The following NIN variants were observed in gnomAD, a reference collection of about 807,000 sequenced individuals.
NIN encodes glycogen synthase kinase 3 beta-interacting protein.
Under a neutral mutation model 257.6 loss-of-function variants are expected in NIN, and 137 were observed. The observed-to-expected ratio is 0.53, with a 90% CI of 0.46 to 0.61. The LOEUF (loss-of-function observed/expected upper bound fraction) is 0.61. NIN is among the 20% of genes least tolerant of loss of function. The pLI is 0.00. For missense variants in NIN, 2,439 were observed against 2,501.2 expected (o/e 0.98, Z 0.53); for synonymous variants, 918 against 919.8 (o/e 1.00, Z 0.04).
rs1202195228 is a variant in NIN at position 50,720,313 on chromosome 14, G to A, written c.*3150C>T. The A allele has an allele frequency of 4.5e-6, 1 of 220,304 alleles. No individual in the cohort carries two copies. Among genetic ancestry groups the A allele is most frequent in the Non-Finnish European group, 9.1e-6 (1 of 110,102 alleles). The allele number at this position is 220,304 out of a possible 1,614,324, so 13.6% of individuals were successfully genotyped here. A position where few individuals can be genotyped will look rare whatever the true frequency, so the allele number is the denominator to read the frequency against. Reference sequence around the variant, plus strand: ...AAAGCACTTAGCCTTGCCTTGACTGGAAATACCTTTAAGATGCTGACAATA... The same window carrying A: ...AAAGCACTTAGCCTTGCCTTGACTGAAAATACCTTTAAGATGCTGACAATA... On this transcript the variant is annotated 3_prime_UTR_variant, in exon 31 of 31. Transcript: ENST00000530997.
intron 28 of NIN, among the ~76,000 whole-genome samples, chr14:50,730,499 AC>A (rs1460724694): frequency 1.3e-5 from 2 of 151,078 alleles, no homozygotes; most frequent in African/African-American, 4.9e-5. Context: ...AAGAAGCGGC[AC>A]CTCCAGGCTT....
chr14:50,785,479 T>A (rs548014262), intron 5 of NIN, among the ~76,000 whole-genome samples: 1 of 152,332 alleles, frequency 6.6e-6, no homozygotes, highest in East Asian at 1.9e-4. Context: ...TGTGGTTTTT[T>A]GTTTTTGTTT....
At position 50,748,784 on chromosome 14, in the gene NIN, C is replaced by T. The variant is rs1192570395; in HGVS notation, c.4951-679G>A. ...TGAAGGACCTCTTCAAGGAGAACTA[C>T]AAACCACTGCTCAAGGAAATAAGAG... is the stretch of plus-strand genomic sequence containing the variant. On this transcript the variant is annotated intron_variant, in intron 21 of 30. Transcript: ENST00000530997. Among the ~76,000 whole-genome samples, 6 of 152,142 alleles carry T rather than the reference C, an allele frequency of 3.9e-5. No homozygotes were observed. The East Asian group carries it at 1.2e-3, about 29-fold the overall frequency.
chr14:50,817,871 A>G (rs1042150838), intron 3 of NIN, among the ~76,000 whole-genome samples: 12 of 151,954 alleles, frequency 7.9e-5, no homozygotes, highest in African/African-American at 2.9e-4. Flanking sequence ...GCCCACTGCC[A>G]CGCCGGCTAA....
At chr14:50,765,787 A>G (rs2042455786) in intron 14 of NIN, among the ~76,000 whole-genome samples, 1 of 151,316 alleles carries the variant, frequency 6.6e-6, no homozygotes, top group African/African-American at 2.4e-5. Flanking sequence ...TAGATCTGCA[A>G]TGATCAATCA....
chr14:50,772,637 C>T (rs1000966749), intron 8 of NIN, among the ~76,000 whole-genome samples, 169 bp from the exon 9 acceptor site: 5 of 152,156 alleles, frequency 3.3e-5, no homozygotes, highest in Non-Finnish European at 7.3e-5. Flanking sequence ...GTCAAGCCTA[C>T]GGAGCTTATC....
At chr14:50,770,615 T>TATCA in intron 11 of NIN, 53 bp from the exon 12 acceptor site, 4 of 1,582,620 alleles carry the variant, frequency 2.5e-6, no homozygotes, top group Non-Finnish European at 3.4e-6. Flanking sequence ...GAGGTCCCAG[T>TATCA]ATCAATCTAC....
chr14:50,723,442 T>A lies in NIN; in HGVS notation c.*21A>T, dbSNP rs764973716. 6.2e-7 allele frequency: 1 copy of A among 1,603,096 alleles called. No individual in the cohort carries two copies. The highest frequency in any genetic ancestry group is 1.1e-5 in the South Asian group (1 of 90,778). On this transcript the variant is annotated 3_prime_UTR_variant, in exon 31 of 31. Transcript: ENST00000530997. ...TCTATTTCAGTAAAGTGCACAAATATGAGTGTACCCTTTGGTTTGGCTATG... is the reference window on the plus strand; with the variant it reads ...TCTATTTCAGTAAAGTGCACAAATAAGAGTGTACCCTTTGGTTTGGCTATG...
At chr14:50,737,101 AAATACAG>A (rs2041016670) in intron 27 of NIN, among the ~76,000 whole-genome samples, 1 of 152,180 alleles carries the variant, frequency 6.6e-6, no homozygotes, top group South Asian at 2.1e-4. Flanking sequence ...TCTGCGTGAC[AAATACAG>A]TGCAGCAGAA....
At position 50,757,069 on chromosome 14, in the gene NIN, GCCC is replaced by G. The variant is rs766808584; in HGVS notation, c.3958_3960del (p.Gly1320del). ...TGAAGTCTCAAAACCAGAACATTCA[GCCC>G]CTCATTTTCTATTTTGACCTCATCG... On this transcript the variant is annotated inframe_deletion, in exon 18 of 31. Coordinates refer to ENST00000530997, the MANE Select transcript of NIN (RefSeq NM_020921.4). 2 of 1,613,734 alleles carry G rather than the reference GCCC, an allele frequency of 1.2e-6. No individual in the cohort carries two copies. The highest frequency in any genetic ancestry group is 2.2e-5 in the South Asian group (2 of 91,012).
chr14:50,830,560 G>C (rs2045658790), intron 1 of NIN, 43 bp from the exon 2 acceptor site: 1 of 168,096 alleles, frequency 5.9e-6, no homozygotes, highest in South Asian at 2.1e-4. Context: ...TGGAGAAACG[G>C]GACAATACTT....
In NIN at chr14:50,776,965, T is replaced by A; in HGVS notation, c.650A>T (p.Gln217Leu). ...LVSICEQYGL[Q>L]NVDGEMLEEV... The stretch of plus-strand genomic sequence containing the variant: ...GAGGCTTACCTCTCCATCCACATTC[T>A]GTAAACCATACTGCTCACAGATGGA... Residue 217 changes from glutamine (Q) to leucine (L), a missense_variant, in exon 7 of 31, where the codon CAG becomes CTG. This residue lies in a region of NIN where 387 missense variants were observed against 427.3 expected (regional missense o/e 0.91). Coordinates refer to ENST00000530997, the MANE Select transcript of NIN (RefSeq NM_020921.4). The A allele has an allele frequency of 1.2e-6, 2 of 1,613,154 alleles. No individual in the cohort carries two copies. Among genetic ancestry groups the A allele is most frequent in the Non-Finnish European group, 1.7e-6 (2 of 1,179,608 alleles).
Position 50,771,023 on chromosome 14 carries a change from A to T in NIN, c.1119-31T>A, listed in dbSNP as rs746886956. 2.5e-6 allele frequency: 4 copies of T among 1,604,100 alleles called. No homozygotes were observed. The Admixed American group carries it at 6.9e-5, about 27-fold the overall frequency. On this transcript the variant is annotated intron_variant, in intron 10 of 30. Coordinates refer to ENST00000530997, the MANE Select transcript of NIN (RefSeq NM_020921.4). ...ATCAGAAGTACACTGAGTTAATGGGAAACTGTTTCTAAGCAACAAGTAGAC... is the reference window on the plus strand; with the variant it reads ...ATCAGAAGTACACTGAGTTAATGGGTAACTGTTTCTAAGCAACAAGTAGAC...
In NIN at chr14:50,750,015, T is replaced by G. The variant is rs143219199; in HGVS notation, c.4951-1910A>C. ...GCTGGTATTTATTGTAGTCTATGTT[T>G]ATTTCATAATTATATTTATTTTATT... On this transcript the variant is annotated intron_variant, in intron 21 of 30. Transcript: ENST00000530997. Among the ~76,000 whole-genome samples, 426 of 152,326 alleles carry G rather than the reference T, an allele frequency of 2.8e-3. 3 individuals are homozygous for G. Among genetic ancestry groups the G allele is most frequent in the Non-Finnish European group, 4.5e-3 (304 of 68,032 alleles).
In NIN at chr14:50,757,919, C is replaced by T; in HGVS notation, c.3111G>A (p.Gln1037=). 2 of 1,614,168 alleles carry T rather than the reference C, an allele frequency of 1.2e-6. No individual in the cohort carries two copies. Among genetic ancestry groups the T allele is most frequent in the Non-Finnish European group, 8.5e-7 (1 of 1,180,022 alleles). The change falls in exon 18 of 31, where the codon CAG becomes CAA. Residue 1037 remains glutamine (Q), a synonymous_variant. Coordinates refer to ENST00000530997, the MANE Select transcript of NIN (RefSeq NM_020921.4). The part of the protein sequence containing the change: ...SPLSMLQSGC[Q]VIGEEEVEGD... The stretch of plus-strand genomic sequence containing the variant: ...CTTCCACCTCCTCCTCTCCTATCAC[C>T]TGGCAACCACTCTGAAGCATTGAGA...
intron 15 of NIN, among the ~76,000 whole-genome samples, chr14:50,762,371 G>A (rs1474047694): frequency 1.3e-5 from 2 of 152,176 alleles, no homozygotes; most frequent in Non-Finnish European, 1.5e-5. Context: ...TGAGGAGTTA[G>A]CTTCATGGGT....
chr14:50,787,921 A>C (rs1002764601), intron 5 of NIN, among the ~76,000 whole-genome samples: 1 of 152,154 alleles, frequency 6.6e-6, no homozygotes, highest in Non-Finnish European at 1.5e-5. Flanking sequence ...GCTAGGTTAT[A>C]TATTTTCTGT....
chr14:50,808,527 T>C (rs1356763071), intron 3 of NIN, among the ~76,000 whole-genome samples: 1 of 152,206 alleles, frequency 6.6e-6, no homozygotes, highest in Non-Finnish European at 1.5e-5. Flanking sequence ...TTGGAGACAT[T>C]ACGAAGCCTC....
At chr14:50,730,424 G>T (rs1477926727) in intron 28 of NIN, among the ~76,000 whole-genome samples, 2 of 152,148 alleles carry the variant, frequency 1.3e-5, no homozygotes, top group Admixed American at 6.5e-5. Context: ...TTTGGGCAGT[G>T]AGGCAGGCCA....
Sources: gnomAD v4.1 joint callset for allele counts (sites outside exome capture counted in the v4.1 genomes callset) on GRCh38, gnomAD v4.1.1 for gene constraint, gnomAD v4.1.1 regional missense constraint, MANE v1.5 for transcripts, NCBI Gene and HGNC (gene_info 2026-07-23, HGNC 2026-07-21) for gene names.